TNRC6B: variants seen among roughly 807,000 people sequenced by gnomAD.
TNRC6B encodes trinucleotide repeat containing adaptor 6B, also known as trinucleotide repeat-containing gene 6B protein.
TNRC6B carries 52 observed loss-of-function variants against 203.6 expected under a neutral mutation model. The observed-to-expected ratio is 0.26, with a 90% CI of 0.20 to 0.32. TNRC6B has a LOEUF of 0.32. Ranked by LOEUF, TNRC6B falls within the 10% of genes least tolerant of loss-of-function variation. TNRC6B has a pLI of 1.00. For synonymous variants in TNRC6B, 838 were observed against 845.7 expected (o/e 0.99, Z 0.16); for missense variants, 1,923 against 2,286.2 (o/e 0.84, Z 3.24).
intron 12 of TNRC6B, among the ~76,000 whole-genome samples, chr22:40,288,507 C>A (rs1377486698): frequency 6.6e-6 from 1 of 151,812 alleles, no homozygotes; most frequent in East Asian, 1.9e-4. Flanking sequence ...GAGTTTGAGA[C>A]CAGCCTGGAC....
chr22:40,130,340 C>T (rs2146327889), intron 3 of TNRC6B, among the ~76,000 whole-genome samples: 1 of 152,204 alleles, frequency 6.6e-6, no homozygotes, highest in South Asian at 2.1e-4. Flanking sequence ...GTGGGTTCAG[C>T]TTTTCTTTGT....
At chr22:40,106,495 T>G in intron 1 of TNRC6B, 1 of 742,716 alleles carries the variant, frequency 1.3e-6, no homozygotes, top group Non-Finnish European at 2.5e-6. Flanking sequence ...ATCTCATGAA[T>G]CAGATCCTCC....
At chr22:40,103,558 T>C (rs550117611) in intron 1 of TNRC6B, among the ~76,000 whole-genome samples, 1 of 152,362 alleles carries the variant, frequency 6.6e-6, no homozygotes, top group African/African-American at 2.4e-5. Context: ...ACAGTTTGTT[T>C]ATCTATTGAT....
intron 1 of TNRC6B, among the ~76,000 whole-genome samples, chr22:40,112,274 G>T (rs1029357336): frequency 6.6e-6 from 1 of 152,182 alleles, no homozygotes; most frequent in Non-Finnish European, 1.5e-5. Context: ...GCCCTTCCAG[G>T]GGGGTGGGTG....
At chr22:40,103,508 A>G (rs968209406) in intron 1 of TNRC6B, among the ~76,000 whole-genome samples, 1 of 152,066 alleles carries the variant, frequency 6.6e-6, no homozygotes, top group Non-Finnish European at 1.5e-5. Context: ...TAGCTTGTTC[A>G]TTTTTATTGG....
chr22:40,159,966 C>T (rs993636415), intron 4 of TNRC6B, among the ~76,000 whole-genome samples: 2 of 152,096 alleles, frequency 1.3e-5, no homozygotes, highest in East Asian at 1.9e-4. Flanking sequence ...TACATACCAC[C>T]GTACCCAGCT....
chr22:40,083,686 AAG>A (rs1243104646), intron 1 of TNRC6B, among the ~76,000 whole-genome samples: 1 of 152,082 alleles, frequency 6.6e-6, no homozygotes, highest in African/African-American at 2.4e-5. Flanking sequence ...GTTTATGAGT[AAG>A]AGAGAGGGGA....
intron 1 of TNRC6B, among the ~76,000 whole-genome samples, chr22:40,094,127 G>T (rs943255169): frequency 6.6e-6 from 1 of 151,968 alleles, no homozygotes; most frequent in South Asian, 2.1e-4. Flanking sequence ...TTAAAAACAG[G>T]ATGACAGTAG....
intron 1 of TNRC6B, among the ~76,000 whole-genome samples, chr22:40,086,291 A>G (rs986289815): frequency 2.0e-5 from 3 of 152,196 alleles, no homozygotes; most frequent in African/African-American, 7.2e-5. Context: ...TTGATTCCCT[A>G]GTATCCTCCA....
At chr22:40,306,456 ACT>A (rs2071088685) in intron 15 of TNRC6B, among the ~76,000 whole-genome samples, 1 of 152,116 alleles carries the variant, frequency 6.6e-6, no homozygotes, top group South Asian at 2.1e-4. Context: ...ATTTCCAAAA[ACT>A]CTTTCTCAAT....
intron 1 of TNRC6B, among the ~76,000 whole-genome samples, chr22:40,185,172 G>A (rs1439527667): frequency 2.6e-5 from 4 of 152,106 alleles, no homozygotes; most frequent in African/African-American, 9.7e-5. Flanking sequence ...TGTATTTTTA[G>A]TAGAGACGAG....
intron 4 of TNRC6B, among the ~76,000 whole-genome samples, chr22:40,165,532 T>C (rs570259293): frequency 6.6e-6 from 1 of 152,330 alleles, no homozygotes; most frequent in East Asian, 1.9e-4. Flanking sequence ...GATTTTATCT[T>C]CGTTCTCCTT....
intron 1 of TNRC6B, among the ~76,000 whole-genome samples, chr22:40,209,995 G>T (rs1015155524): frequency 1.2e-4 from 17 of 145,764 alleles, no homozygotes; most frequent in Non-Finnish European, 2.4e-4. Context: ...TCTAGCCTGG[G>T]TAACAGAGTG....
intron 1 of TNRC6B, among the ~76,000 whole-genome samples, chr22:40,228,585 T>C (rs540230423): frequency 6.7e-6 from 1 of 149,546 alleles, no homozygotes; most frequent in African/African-American, 2.5e-5. Context: ...AGCGGCGTGA[T>C]CTCGGCTCAC....
intron 15 of TNRC6B, among the ~76,000 whole-genome samples, chr22:40,306,861 G>A (rs2071093064): frequency 6.6e-6 from 1 of 152,044 alleles, no homozygotes; most frequent in African/African-American, 2.4e-5. Flanking sequence ...GCTGTGGTGT[G>A]CCTGTAGTCC....
At chr22:40,231,133 C>A (rs1174363662) in intron 1 of TNRC6B, among the ~76,000 whole-genome samples, 1 of 151,914 alleles carries the variant, frequency 6.6e-6, no homozygotes, top group Non-Finnish European at 1.5e-5. Flanking sequence ...TAAGACAGTA[C>A]CATACTGTGT....
At chr22:40,306,094 C>T (rs931161531) in intron 15 of TNRC6B, among the ~76,000 whole-genome samples, 3 of 151,882 alleles carry the variant, frequency 2.0e-5, no homozygotes, top group Non-Finnish European at 2.9e-5. Context: ...AGATTGAGAC[C>T]ATCCTGGCTA....
At chr22:40,237,829 T>TG (rs11377575) in intron 1 of TNRC6B, among the ~76,000 whole-genome samples, 48,263 of 151,618 alleles carry the variant, frequency 0.32, 9,519 homozygotes, top group East Asian at 0.57. Flanking sequence ...TTAGACACTC[T>TG]GGCCCCTTTC....
In TNRC6B at chr22:40,335,607, AT is replaced by A. The variant is rs1391452312; in HGVS notation, c.*12367del. ...AAAACTGAGAGATGATGTAATGCATATATAAGAGTTTTCTGAAGGGTTTTTT... is the reference window on the plus strand; with the variant it reads ...AAAACTGAGAGATGATGTAATGCATAATAAGAGTTTTCTGAAGGGTTTTTT... On this transcript the variant is annotated 3_prime_UTR_variant, in exon 23 of 23. Transcript: ENST00000454349. 1.3e-5 allele frequency: 2 copies of A among 151,820 alleles called. No individual in the cohort carries two copies. Among genetic ancestry groups the A allele is most frequent in the Non-Finnish European group, 2.9e-5 (2 of 67,872 alleles). The allele number at this position is 151,820 out of a possible 1,614,324, so 9.4% of individuals were successfully genotyped here. A position where few individuals can be genotyped will look rare whatever the true frequency, so the allele number is the denominator to read the frequency against.
Sources: allele counts gnomAD v4.1 joint callset (sites outside exome capture counted in the v4.1 genomes callset), GRCh38; gene constraint gnomAD v4.1.1; transcripts MANE v1.5; gene names NCBI Gene and HGNC (gene_info 2026-07-23, HGNC 2026-07-21).